TMEM135: variants seen among roughly 807,000 people sequenced by gnomAD.
TMEM135 encodes transmembrane protein 135.
A neutral mutation model predicts 60.3 loss-of-function variants in TMEM135; 30 were observed. The ratio of observed to expected loss-of-function variants is 0.50; its 90% CI spans 0.37 to 0.68. The LOEUF (loss-of-function observed/expected upper bound fraction) is 0.68, where lower values mean the gene tolerates loss of function less well. Ranked by LOEUF, TMEM135 falls within the 30% of genes least tolerant of loss-of-function variation. The pLI is 0.00. For synonymous variants in TMEM135, 190 were observed against 186.7 expected (o/e 1.02, Z -0.14); for missense variants, 468 against 548.8 (o/e 0.85, Z 1.47).
intron 4 of TMEM135, among the ~76,000 whole-genome samples, chr11:87,130,136 A>G (rs1172047169): frequency 1.3e-5 from 2 of 150,326 alleles, no homozygotes; most frequent in Non-Finnish European, 2.9e-5. Flanking sequence ...AAAAAAAATT[A>G]TAAGGAGTCT....
intron 4 of TMEM135, among the ~76,000 whole-genome samples, chr11:87,122,694 C>T (rs1937622444): frequency 6.6e-6 from 1 of 152,208 alleles, no homozygotes; most frequent in Non-Finnish European, 1.5e-5. Context: ...CTTCTGACCT[C>T]AGGTGACCCA....
intron 4 of TMEM135, among the ~76,000 whole-genome samples, chr11:87,119,335 A>G (rs1210712422): frequency 1.3e-5 from 2 of 152,096 alleles, no homozygotes; most frequent in Non-Finnish European, 2.9e-5. Context: ...AACACACACA[A>G]CATTTATCTA....
intron 10 of TMEM135, among the ~76,000 whole-genome samples, chr11:87,310,556 C>T (rs1319772138): frequency 6.6e-6 from 1 of 150,992 alleles, no homozygotes; most frequent in Non-Finnish European, 1.5e-5. Context: ...CAAACCTCTG[C>T]ACCACACAAT....
intron 7 of TMEM135, among the ~76,000 whole-genome samples, chr11:87,296,024 G>A (rs1162522588): frequency 2.6e-5 from 4 of 152,072 alleles, no homozygotes; most frequent in African/African-American, 4.8e-5. Flanking sequence ...ATTAATCAAC[G>A]ACTTCTTTTG....
rs668768 is a variant in TMEM135, at chr11:87,195,349, C to T, written c.462+37943C>T. Among the ~76,000 whole-genome samples, 290 of 118,906 alleles carry T rather than the reference C, an allele frequency of 2.4e-3. 4 individuals carry two copies. Among genetic ancestry groups the T allele is most frequent in the East Asian group, 0.022 (101 of 4,520 alleles). The allele number at this position is 118,906 out of a possible 152,430, so 78.0% of individuals were successfully genotyped here. On this transcript the variant is annotated intron_variant, in intron 5 of 14. Coordinates refer to ENST00000305494, the MANE Select transcript of TMEM135 (RefSeq NM_022918.4). ...TCCTTCCTTCCTTCCTTCCTTCCTT[C>T]CTTCCTTCCTTCCTTCCTTCCTTCC...
chr11:87,259,450 T>C (rs910699862), intron 6 of TMEM135, among the ~76,000 whole-genome samples: 1 of 152,230 alleles, frequency 6.6e-6, no homozygotes, highest in Non-Finnish European at 1.5e-5. Flanking sequence ...ATATATATCA[T>C]GTTACATTTT....
chr11:87,200,971 G>T (rs1940081070), intron 5 of TMEM135, among the ~76,000 whole-genome samples: 1 of 152,078 alleles, frequency 6.6e-6, no homozygotes, highest in African/African-American at 2.4e-5. Context: ...TAGTTGGATT[G>T]CTCATTTCTT....
chr11:87,296,106 A>G (rs1392787272), intron 7 of TMEM135, among the ~76,000 whole-genome samples: 1 of 152,196 alleles, frequency 6.6e-6, no homozygotes, highest in Non-Finnish European at 1.5e-5. Flanking sequence ...GAGCTTGGAA[A>G]GACAGAGCTG....
intron 6 of TMEM135, among the ~76,000 whole-genome samples, chr11:87,287,127 A>T (rs1040337997): frequency 1.3e-5 from 2 of 152,164 alleles, no homozygotes; most frequent in Non-Finnish European, 2.9e-5. Flanking sequence ...CAATTGAATA[A>T]TTTGAGGTAG....
intron 6 of TMEM135, among the ~76,000 whole-genome samples, chr11:87,245,127 G>A (rs1429684385): frequency 7.1e-6 from 1 of 140,756 alleles, no homozygotes; most frequent in Non-Finnish European, 1.6e-5. Flanking sequence ...TCATTCAGGA[G>A]CAGGTTGTTC....
chr11:87,068,582 G>C (rs915836821), intron 2 of TMEM135, among the ~76,000 whole-genome samples: 1 of 150,624 alleles, frequency 6.6e-6, no homozygotes, highest in African/African-American at 2.4e-5. Context: ...AGGCCGAGGC[G>C]GGTGGATCAC....
intron 5 of TMEM135, among the ~76,000 whole-genome samples, chr11:87,192,515 A>G (rs904057764): frequency 6.6e-6 from 1 of 152,266 alleles, no homozygotes; most frequent in South Asian, 2.1e-4. Context: ...TGTTTTACCC[A>G]TGTTTGTGTT....
chr11:87,283,639 C>T (rs906994304), intron 6 of TMEM135, among the ~76,000 whole-genome samples: 1 of 152,166 alleles, frequency 6.6e-6, no homozygotes, highest in Admixed American at 6.5e-5. Flanking sequence ...GCAGGTGGAT[C>T]ATGCAGCCAG....
intron 5 of TMEM135, among the ~76,000 whole-genome samples, chr11:87,181,111 A>G (rs1180407871): frequency 6.6e-6 from 1 of 152,224 alleles, no homozygotes; most frequent in Non-Finnish European, 1.5e-5. Context: ...CAGCAAGGAA[A>G]GTAGAAAAAG....
chr11:87,091,217 C>A, intron 3 of TMEM135, 145 bp from the exon 4 acceptor site: 1 of 636,216 alleles, frequency 1.6e-6, no homozygotes, highest in Non-Finnish European at 2.6e-6. Flanking sequence ...GAAATTAGTT[C>A]GGCATAATTT....
At chr11:87,105,515 C>CG (rs1473158887) in intron 4 of TMEM135, among the ~76,000 whole-genome samples, 1 of 152,098 alleles carries the variant, frequency 6.6e-6, no homozygotes, top group East Asian at 1.9e-4. Flanking sequence ...AGTTGGGGAC[C>CG]GCTGGCCTAT....
At chr11:87,261,419 CGTT>C (rs1339480778) in intron 6 of TMEM135, among the ~76,000 whole-genome samples, 2 of 151,998 alleles carry the variant, frequency 1.3e-5, no homozygotes, top group African/African-American at 4.8e-5. Flanking sequence ...CAAAATTTCT[CGTT>C]AATTAATGTG....
At position 87,327,677 on chromosome 11, in the gene TMEM135, C is replaced by T. The variant is rs910998981; in HGVS notation, c.*6344C>T. ...ACCTTGGGATGCTGGTGGTCTGGCT[C>T]AGTACAAGTCCAAAAGCCTTGGAAC... On this transcript the variant is annotated 3_prime_UTR_variant, in exon 15 of 15. Transcript: ENST00000305494. 3 of 453,804 alleles carry T rather than the reference C, an allele frequency of 6.6e-6. No individual in the cohort carries two copies. Among genetic ancestry groups the T allele is most frequent in the Non-Finnish European group, 1.3e-5 (3 of 226,782 alleles). The allele number at this position is 453,804 out of a possible 1,614,324, so 28.1% of individuals were successfully genotyped here. A position where few individuals can be genotyped will look rare whatever the true frequency, so the allele number is the denominator to read the frequency against.
Position 87,223,849 on chromosome 11 carries a change from A to AAAAGAAAG in TMEM135, c.463-12773_463-12766dup, listed in dbSNP as rs142297718. Among the ~76,000 whole-genome samples, 528 of 150,190 alleles carry AAAAGAAAG rather than the reference A, an allele frequency of 3.5e-3. 6 individuals carry two copies. Among genetic ancestry groups the AAAAGAAAG allele is most frequent in the African/African-American group, 9.8e-3 (402 of 40,914 alleles). On this transcript the variant is annotated intron_variant, in intron 5 of 14. Transcript: ENST00000305494. ...TGGGTAAGAGAGCAAGACTGTCTAA[A>AAAAGAAAG]AAAGAAAGAAAGAAAGAAAGAAAAA... is the stretch of plus-strand genomic sequence containing the variant.
Sources: allele counts gnomAD v4.1 joint callset (sites outside exome capture counted in the v4.1 genomes callset), GRCh38; gene constraint gnomAD v4.1.1; transcripts MANE v1.5; gene names NCBI Gene and HGNC (gene_info 2026-07-23, HGNC 2026-07-21).